The following HS6ST2 variants were observed in gnomAD, a reference collection of about 807,000 sequenced individuals.
HS6ST2 encodes the protein heparan-sulfate 6-O-sulfotransferase 2.
Under a neutral mutation model 33.0 loss-of-function variants are expected in HS6ST2, and 17 were observed. The observed-to-expected ratio is 0.52, with a 90% CI of 0.35 to 0.77. The LOEUF is 0.77. HS6ST2 is among the 30% of genes least tolerant of loss of function. The pLI, the probability that HS6ST2 is intolerant of heterozygous loss-of-function variation, is 0.01. For missense variants in HS6ST2, 519 were observed against 551.7 expected (o/e 0.94, Z 0.59); for synonymous variants, 248 against 237.1 (o/e 1.05, Z -0.42).
intron 2 of HS6ST2, among the ~76,000 whole-genome samples, chrX:132,750,692 G>A (rs2064697553): frequency 8.9e-6 from 1 of 111,923 alleles, no homozygotes; most frequent in Non-Finnish European, 1.9e-5. Context: ...TCAGGATACT[G>A]CAATTTAACA....
chrX:132,845,746 T>A (rs1474026275), intron 2 of HS6ST2, among the ~76,000 whole-genome samples: 1 of 111,428 alleles, frequency 9.0e-6, no homozygotes, highest in Non-Finnish European at 1.9e-5. Context: ...TAGAAATAGA[T>A]GCCTTATTTA....
chrX:132,849,113 C>A (rs1178244158), intron 2 of HS6ST2, among the ~76,000 whole-genome samples: 1 of 111,598 alleles, frequency 9.0e-6, no homozygotes, highest in African/African-American at 3.3e-5. Context: ...AGATAAAAAT[C>A]TCTTTTTAAT....
At position 132,668,840 on chromosome X, in the gene HS6ST2, T is replaced by C. The variant is rs190908838; in HGVS notation, c.1067+273A>G. On this transcript the variant is annotated intron_variant, in intron 4 of 4. Coordinates refer to ENST00000370833, the MANE Select transcript of HS6ST2 (RefSeq NM_001394073.1). Reference sequence around the variant, plus strand: ...CTTACATTGCCCTTATGGACTTATGTCCTTGCCCTTCACAGTCAGCCCTAA... The same window carrying C: ...CTTACATTGCCCTTATGGACTTATGCCCTTGCCCTTCACAGTCAGCCCTAA... 1.8e-3 allele frequency among the ~76,000 whole-genome samples: 197 copies of C among 111,233 alleles called. 1 individual carries two copies. The highest frequency in any genetic ancestry group is 6.0e-3 in the African/African-American group (184 of 30,587).
At chrX:132,769,880 A>C (rs2064880914) in intron 2 of HS6ST2, among the ~76,000 whole-genome samples, 1 of 112,056 alleles carries the variant, frequency 8.9e-6, no homozygotes, top group Non-Finnish European at 1.9e-5. Flanking sequence ...GCCGAGACTC[A>C]CTTTCTCTGA....
intron 2 of HS6ST2, among the ~76,000 whole-genome samples, chrX:132,816,940 A>G (rs1449189567): frequency 2.7e-5 from 3 of 111,527 alleles, no homozygotes; most frequent in African/African-American, 9.8e-5. Context: ...AAGTAAAATA[A>G]GATCGCAGCA....
At chrX:132,794,005 G>A (rs766068872) in intron 2 of HS6ST2, among the ~76,000 whole-genome samples, 1 of 112,920 alleles carries the variant, frequency 8.9e-6, no homozygotes, top group South Asian at 3.7e-4. Flanking sequence ...GGAAGCAAAA[G>A]GCTACTTGCC....
rs1364517906 is a variant in HS6ST2, at chrX:132,958,277, G to A, written c.326C>T (p.Ser109Phe). 1 of 1,191,587 alleles carries A rather than the reference G, an allele frequency of 8.4e-7. No homozygotes were observed. Among genetic ancestry groups the A allele is most frequent in the Non-Finnish European group, 1.1e-6 (1 of 890,826 alleles). The change falls in exon 1 of 5, where the codon TCC (serine) becomes TTC (phenylalanine). Residue 109 changes from serine (S) to phenylalanine (F), a missense_variant. Ser to Phe is a radical substitution (Grantham distance 155). Coordinates refer to ENST00000370833, the MANE Select transcript of HS6ST2 (RefSeq NM_001394073.1). Reference sequence around the variant, plus strand: ...CCGAGTGAGCAGGGCCCGGCAGAGGGAGCCCAGGTCCCAGCGTCGCCTGAG... The same window carrying A: ...CCGAGTGAGCAGGGCCCGGCAGAGGAAGCCCAGGTCCCAGCGTCGCCTGAG... ...HVLRRRWDLG[S>F]LCRALLTRGL... is the part of the protein sequence containing the mutation.
intron 2 of HS6ST2, among the ~76,000 whole-genome samples, chrX:132,922,427 G>C (rs2066661416): frequency 8.9e-6 from 1 of 112,192 alleles, no homozygotes; most frequent in Non-Finnish European, 1.9e-5. Context: ...CTCTTCAAAT[G>C]CAACTCATTA....
chrX:132,673,151 C>G (rs1218903620), intron 3 of HS6ST2, among the ~76,000 whole-genome samples: 1 of 112,364 alleles, frequency 8.9e-6, no homozygotes, highest in Admixed American at 9.4e-5. Context: ...TATTTATTGT[C>G]TACATATCTT....
chrX:132,732,666 A>G (rs1413304781), intron 2 of HS6ST2, among the ~76,000 whole-genome samples: 1 of 111,474 alleles, frequency 9.0e-6, no homozygotes, highest in East Asian at 2.8e-4. Context: ...CTGCCATGTA[A>G]TATGTGACTT....
chrX:132,762,369 A>G (rs1411179935), intron 2 of HS6ST2, among the ~76,000 whole-genome samples: 2 of 112,401 alleles, frequency 1.8e-5, no homozygotes, highest in Non-Finnish European at 3.7e-5. Flanking sequence ...TGATAGAACC[A>G]TTGTTCATGT....
At chrX:132,728,509 G>T (rs1186308783) in intron 2 of HS6ST2, among the ~76,000 whole-genome samples, 1 of 111,876 alleles carries the variant, frequency 8.9e-6, no homozygotes, top group African/African-American at 3.3e-5. Flanking sequence ...AGCCTAACGC[G>T]GGCATGTTGG....
At chrX:132,809,484 A>G (rs1031819540) in intron 2 of HS6ST2, among the ~76,000 whole-genome samples, 1 of 112,246 alleles carries the variant, frequency 8.9e-6, no homozygotes, top group Non-Finnish European at 1.9e-5. Context: ...CGTATCAGGA[A>G]TGCAAAAGCA....
At chrX:132,744,982 C>T (rs1157886898) in intron 2 of HS6ST2, among the ~76,000 whole-genome samples, 1 of 112,009 alleles carries the variant, frequency 8.9e-6, no homozygotes, top group East Asian at 2.8e-4. Flanking sequence ...TAGATTCAGG[C>T]GTTACATGTA....
rs148017783 is a variant in HS6ST2 at position 132,763,438 on chromosome X, C to A, written c.948-54944G>T. Among the ~76,000 whole-genome samples the A allele has an allele frequency of 4.9e-4, 55 of 112,188 alleles. 5 individuals are homozygous for A. The highest frequency in any genetic ancestry group is 4.2e-3 in the East Asian group (15 of 3,565). ...AGCTCATAAATACTTGGGTTTTAATCCTTTGAAGGCTTTCCTGCTAGCACA... is the reference window on the plus strand; with the variant it reads ...AGCTCATAAATACTTGGGTTTTAATACTTTGAAGGCTTTCCTGCTAGCACA... On this transcript the variant is annotated intron_variant, in intron 2 of 4. Transcript: ENST00000370833.
At chrX:132,785,584 A>T (rs1034980159) in intron 2 of HS6ST2, among the ~76,000 whole-genome samples, 3 of 111,838 alleles carry the variant, frequency 2.7e-5, no homozygotes, top group African/African-American at 9.7e-5. Context: ...ACATCATTGG[A>T]CACTTGGAGG....
chrX:132,956,873 G>A lies in HS6ST2; in HGVS notation c.882C>T (p.Thr294=), dbSNP rs1269658504. 8.4e-7 allele frequency: 1 copy of A among 1,188,234 alleles called. No homozygotes were observed. Among genetic ancestry groups the A allele is most frequent in the Non-Finnish European group, 1.1e-6 (1 of 883,538 alleles). The part of the protein sequence containing the change: ...GWSCGLHADW[T]ELTSCVPSVV... ...CGGAGGGCACACAGCTGGTGAGCTCGGTCCAGTCGGCGTGCAACCCGCAGC... is the reference window on the plus strand; with the variant it reads ...CGGAGGGCACACAGCTGGTGAGCTCAGTCCAGTCGGCGTGCAACCCGCAGC... The change falls in exon 2 of 5, where the codon ACC becomes ACT. Residue 294 remains threonine, a synonymous_variant. Coordinates refer to ENST00000370833, the MANE Select transcript of HS6ST2 (RefSeq NM_001394073.1).
At chrX:132,934,823 C>T (rs899653172) in intron 2 of HS6ST2, among the ~76,000 whole-genome samples, 6 of 110,694 alleles carry the variant, frequency 5.4e-5, no homozygotes, top group African/African-American at 1.6e-4. Context: ...CACAGACTGC[C>T]AGAATGAAAT....
rs779387269 is a variant in HS6ST2, at chrX:132,664,706, A to G, written c.1067+4407T>C. On this transcript the variant is annotated intron_variant, in intron 4 of 4. Coordinates refer to ENST00000370833, the MANE Select transcript of HS6ST2 (RefSeq NM_001394073.1). The stretch of plus-strand genomic sequence containing the variant: ...CTTGGTTGCTCTGCCCTGGCCCCAT[A>G]TTTGTGGCCTTCACTAGTACTTGAA... 1.3e-4 allele frequency among the ~76,000 whole-genome samples: 14 copies of G among 111,704 alleles called. No homozygotes were observed. The South Asian group carries it at 5.3e-3, about 42-fold the overall frequency.
Sources: gnomAD v4.1 joint callset for allele counts (sites outside exome capture counted in the v4.1 genomes callset) on GRCh38, gnomAD v4.1.1 for gene constraint, MANE v1.5 for transcripts, NCBI Gene and HGNC (gene_info 2026-07-23, HGNC 2026-07-21) for gene names.